Variants in FER1L5 observed in about 807,000 individuals in gnomAD.
FER1L5 encodes the protein fer-1 like family member 5.
In FER1L5, 187 loss-of-function variants were observed where a neutral mutation model predicts 279.9. That is an observed-to-expected ratio of 0.67 (90% confidence interval 0.59 to 0.75). FER1L5 has a LOEUF of 0.75. Ranked by LOEUF, FER1L5 falls within the 30% of genes least tolerant of loss-of-function variation. The probability of loss-of-function intolerance (pLI) is 0.00; values close to 1 mark genes in which losing one functional copy is unlikely to be tolerated. For synonymous variants in FER1L5, 921 were observed against 989.7 expected, an observed-to-expected ratio of 0.93 and a Z score of 1.30; for missense variants, 2,091 against 2,594.4, an observed-to-expected ratio of 0.81 and a Z score of 4.21.
At chr2:96,645,059 C>A (rs758407641) in intron 1 of FER1L5, among the ~76,000 whole-genome samples, 37 of 152,314 alleles carry the variant, frequency 2.4e-4, no homozygotes, top group Non-Finnish European at 4.7e-4. Flanking sequence ...TTCCCAGCCT[C>A]TTCCTTCATA....
intron 7 of FER1L5, 152 bp from the exon 8 acceptor site, chr2:96,653,488 G>T: frequency 1.6e-6 from 1 of 641,084 alleles, no homozygotes; most frequent in African/African-American, 1.9e-5. Context: ...TCAGATTTTT[G>T]GATTAGGAAT....
At chr2:96,693,045 G>A (rs185414199) in intron 31 of FER1L5, among the ~76,000 whole-genome samples, 264 of 152,068 alleles carry the variant, frequency 1.7e-3, no homozygotes, top group African/African-American at 5.9e-3. Flanking sequence ...GCGTGGTGGC[G>A]GGCGGCTGTA....
chr2:96,682,372 G>A (rs184788143), intron 19 of FER1L5, among the ~76,000 whole-genome samples: 5 of 152,358 alleles, frequency 3.3e-5, no homozygotes, highest in African/African-American at 1.2e-4. Context: ...GATTACAGGC[G>A]TGAGCCACCG....
At position 96,685,790 on chromosome 2, in the gene FER1L5, G is replaced by A. The variant is rs189702421; in HGVS notation, c.1896-150G>A. The A allele has an allele frequency of 1.9e-5, 18 of 952,286 alleles. No individual in the cohort carries two copies. The African/African-American group carries it at 2.7e-4, about 14-fold the overall frequency. The allele number at this position is 952,286 out of a possible 1,614,324, so 59.0% of individuals were successfully genotyped here. A position where few individuals can be genotyped will look rare whatever the true frequency, so the allele number is the denominator to read the frequency against. ...ACACAGCGAGCAGGCTTCCTATGGA[G>A]CAGTGGGAAGGGCTCCTGGGCCAGG... On this transcript the variant is annotated intron_variant, in intron 21 of 52. Coordinates refer to ENST00000624922, the MANE Select transcript of FER1L5 (RefSeq NM_001293083.2).
At position 96,691,187 on chromosome 2, in the gene FER1L5, C is replaced by T. The variant is rs1219904027; in HGVS notation, c.2744-3C>T. 6.5e-7 allele frequency: 1 copy of T among 1,545,058 alleles called. No homozygotes were observed. Among genetic ancestry groups the T allele is most frequent in the Non-Finnish European group, 8.7e-7 (1 of 1,143,600 alleles). On this transcript the variant is annotated splice_region_variant and splice_polypyrimidine_tract_variant and intron_variant, in intron 27 of 52. Coordinates refer to ENST00000624922, the MANE Select transcript of FER1L5 (RefSeq NM_001293083.2). This position sits in a 1 kb window ranked among gnomAD's most constrained non-coding sequence, Gnocchi z 6.0. The stretch of plus-strand genomic sequence containing the variant: ...CTCAGAGGCCATGGTCCACCCACCG[C>T]AGGCTGGGAGTATGGAGTGGGGATC...
chr2:96,703,809 C>T (rs1378080892), intron 51 of FER1L5, among the ~76,000 whole-genome samples, 177 bp downstream of exon 51: 12 of 89,474 alleles, frequency 1.3e-4, no homozygotes, highest in African/African-American at 4.6e-4. Flanking sequence ...CAAAAGTTGC[C>T]TTTTTTTTTT....
intron 9 of FER1L5, among the ~76,000 whole-genome samples, chr2:96,658,552 G>A (rs1289669095): frequency 2.0e-5 from 3 of 151,256 alleles, no homozygotes; most frequent in Non-Finnish European, 1.5e-5. Flanking sequence ...GCACCCGGAC[G>A]TGTATGTTAA....
intron 44 of FER1L5, 77 bp from the exon 45 acceptor site, chr2:96,700,255 G>C: frequency 1.3e-6 from 2 of 1,595,016 alleles, no homozygotes; most frequent in Non-Finnish European, 1.7e-6. Context: ...GCTGCGGTCG[G>C]GAGGGTAAGA....
Position 96,686,135 on chromosome 2 carries a change from TG to T in FER1L5, c.2073+20del. 4 of 1,547,812 alleles carry T rather than the reference TG, an allele frequency of 2.6e-6. No individual in the cohort carries two copies. Among genetic ancestry groups the T allele is most frequent in the Non-Finnish European group, 3.5e-6 (4 of 1,144,338 alleles). On this transcript the variant is annotated intron_variant, in intron 22 of 52. Coordinates refer to ENST00000624922, the MANE Select transcript of FER1L5 (RefSeq NM_001293083.2). ...TCCCTGAGGTGGGTGCTGCACACAC[TG>T]GCCTGCAGCAGGGCTGGGAGCCAGC...
At chr2:96,697,855 GA>G in intron 39 of FER1L5, 94 bp downstream of exon 39, 1 of 1,499,730 alleles carries the variant, frequency 6.7e-7, no homozygotes, top group Non-Finnish European at 9.1e-7. Context: ...CCTCAAGTGG[GA>G]AGGTTCCCGC....
chr2:96,674,159 C>T (rs1460735768), intron 19 of FER1L5, among the ~76,000 whole-genome samples: 1 of 152,218 alleles, frequency 6.6e-6, no homozygotes, highest in East Asian at 1.9e-4. Flanking sequence ...TGCCCATTGG[C>T]AGTCACCCCC....
rs1461435637 is a variant in FER1L5, at chr2:96,703,297, C to T, written c.5642C>T (p.Thr1881Ile). The T allele has an allele frequency of 1.2e-6, 2 of 1,613,622 alleles. No homozygotes were observed. Among genetic ancestry groups the T allele is most frequent in the Non-Finnish European group, 1.7e-6 (2 of 1,179,746 alleles). ...HFSLFKKKTV[T>I]GWWPCQVLDG... is the part of the protein sequence containing the mutation. ...TCCCTCTTTAAGAAGAAGACTGTGA[C>T]TGGCTGGTGGCCTTGCCAGGTCCTC... The change falls in exon 50 of 53, where the codon ACT becomes ATT. Residue 1881 changes from threonine to isoleucine, a missense_variant. Thr to Ile is a moderately conservative substitution (Grantham distance 89). Transcript: ENST00000624922.
At chr2:96,661,101 A>C (rs868068158) in intron 10 of FER1L5, among the ~76,000 whole-genome samples, 1 of 152,212 alleles carries the variant, frequency 6.6e-6, no homozygotes, top group Non-Finnish European at 1.5e-5. Context: ...TTCCCAAGGC[A>C]TAAACAGGGG....
intron 24 of FER1L5, 47 bp downstream of exon 24, chr2:96,687,994 G>T (rs1039144367): frequency 3.2e-6 from 5 of 1,546,474 alleles, no homozygotes; most frequent in African/African-American, 1.4e-5. Flanking sequence ...ACGCGGGGGT[G>T]GGGGTAGGGT....
chr2:96,665,972 G>GGGC (rs2076112380), intron 14 of FER1L5, among the ~76,000 whole-genome samples: 1 of 152,044 alleles, frequency 6.6e-6, no homozygotes, highest in African/African-American at 2.4e-5. Context: ...ATTTGAAGAT[G>GGGC]TTCAAACACC....
intron 45 of FER1L5, 56 bp from the exon 46 acceptor site, chr2:96,701,899 G>A: frequency 6.4e-7 from 1 of 1,570,520 alleles, no homozygotes; most frequent in Admixed American, 1.7e-5. Context: ...CCCCAGGCCA[G>A]CCTGCTGAGA....
In FER1L5 at chr2:96,666,659, A is replaced by AT. The variant is rs1234077673; in HGVS notation, c.1141-2080dup. 1.2e-3 allele frequency among the ~76,000 whole-genome samples: 181 copies of AT among 145,744 alleles called. 1 individual carries two copies. The highest frequency in any genetic ancestry group is 2.8e-3 in the African/African-American group (113 of 39,880). Reference sequence around the variant, plus strand: ...ATGGATTTTTTTCTTTTATTTATTTATTTTTTTTTTTTAGACAGTCTTGCT... The same window carrying AT: ...ATGGATTTTTTTCTTTTATTTATTTATTTTTTTTTTTTTAGACAGTCTTGCT... On this transcript the variant is annotated intron_variant, in intron 14 of 52. Transcript: ENST00000624922.
chr2:96,694,531 C>T lies in FER1L5; in HGVS notation c.3741+67C>T. 7.9e-7 allele frequency: 1 copy of T among 1,269,032 alleles called. No individual in the cohort carries two copies. The highest frequency in any genetic ancestry group is 1.1e-6 in the Non-Finnish European group (1 of 940,264). The allele number at this position is 1,269,032 out of a possible 1,614,324, so 78.6% of individuals were successfully genotyped here. ...GGGGTGGTCTGGAGTGCGCTGCAGC[C>T]TTCTGCTGGTCCTCCCTGACTACTG... is the stretch of plus-strand genomic sequence containing the variant. On this transcript the variant is annotated intron_variant, in intron 34 of 52. Coordinates refer to ENST00000624922, the MANE Select transcript of FER1L5 (RefSeq NM_001293083.2). This position sits in a 1 kb window ranked among gnomAD's most constrained non-coding sequence, Gnocchi z 4.6.
chr2:96,672,945 T>TG, intron 18 of FER1L5, 132 bp from the exon 19 acceptor site: 2 of 1,172,766 alleles, frequency 1.7e-6, no homozygotes, highest in Non-Finnish European at 1.2e-6. Flanking sequence ...AGGGAGCCTC[T>TG]GAAGGCCTTT....
Sources: gnomAD v4.1 joint callset for allele counts (sites outside exome capture counted in the v4.1 genomes callset) on GRCh38, gnomAD v4.1.1 for gene constraint, Gnocchi (gnomAD v3.1) non-coding constraint, MANE v1.5 for transcripts, NCBI Gene and HGNC (gene_info 2026-07-23, HGNC 2026-07-21) for gene names.